SLC44A1: variants seen among roughly 807,000 people sequenced by gnomAD.
SLC44A1 encodes choline transporter-like protein 1.
A neutral mutation model predicts 79.3 loss-of-function variants in SLC44A1; 26 were observed. The ratio of observed to expected loss-of-function variants is 0.33; its 90% CI spans 0.24 to 0.46. The LOEUF (loss-of-function observed/expected upper bound fraction) is 0.46, where lower values mean the gene tolerates loss of function less well. Ranked by LOEUF, SLC44A1 falls within the 20% of genes least tolerant of loss-of-function variation. The pLI is 1.00. For missense variants in SLC44A1, 688 were observed against 798.1 expected, an observed-to-expected ratio of 0.86 and a Z score of 1.66; for synonymous variants, 263 against 286.2, an observed-to-expected ratio of 0.92 and a Z score of 0.82.
intron 6 of SLC44A1, among the ~76,000 whole-genome samples, chr9:105,357,487 G>T (rs1827655307): frequency 6.6e-6 from 1 of 152,166 alleles, no homozygotes; most frequent in Admixed American, 6.5e-5. Context: ...AGGCTTAAGA[G>T]TGTAATATAA....
At chr9:105,341,008 C>CA (rs1388634262) in intron 4 of SLC44A1, among the ~76,000 whole-genome samples, 1 of 152,036 alleles carries the variant, frequency 6.6e-6, no homozygotes, top group Admixed American at 6.6e-5. Flanking sequence ...TGTCATATTA[C>CA]AAAGGCTTTT....
intron 3 of SLC44A1, among the ~76,000 whole-genome samples, chr9:105,316,915 G>A (rs1304968286): frequency 2.0e-5 from 3 of 152,196 alleles, no homozygotes; most frequent in African/African-American, 2.4e-5. Context: ...TTTTAACAAC[G>A]AAGTTCTGTA....
At chr9:105,334,007 TAGTC>T (rs893698341) in intron 3 of SLC44A1, among the ~76,000 whole-genome samples, 3 of 152,152 alleles carry the variant, frequency 2.0e-5, no homozygotes, top group Non-Finnish European at 2.9e-5. Flanking sequence ...TAGACATGCT[TAGTC>T]AGACGCCCAG....
intron 13 of SLC44A1, among the ~76,000 whole-genome samples, chr9:105,380,854 C>G (rs113401072): frequency 0.015 from 2,338 of 152,284 alleles, 66 homozygotes; most frequent in African/African-American, 0.053. Context: ...TCCAACCAAC[C>G]AGACTCTGGG....
chr9:105,266,314 T>A (rs1486523312), intron 1 of SLC44A1, among the ~76,000 whole-genome samples: 2 of 152,178 alleles, frequency 1.3e-5, no homozygotes, highest in African/African-American at 4.8e-5. Context: ...GTGAGTTCGC[T>A]TCTCATCTTT....
chr9:105,277,944 T>G (rs1830248711), intron 1 of SLC44A1, among the ~76,000 whole-genome samples: 1 of 152,170 alleles, frequency 6.6e-6, no homozygotes, highest in Non-Finnish European at 1.5e-5. Context: ...CTTTGGGAAA[T>G]AGGTGTTAGA....
intron 15 of SLC44A1, among the ~76,000 whole-genome samples, chr9:105,414,774 C>T (rs912971395): frequency 2.6e-5 from 4 of 151,928 alleles, no homozygotes; most frequent in African/African-American, 9.7e-5. Context: ...AGCCACTGCA[C>T]TCCAGCCTGG....
intron 2 of SLC44A1, among the ~76,000 whole-genome samples, chr9:105,309,469 T>C (rs867765566): frequency 6.6e-6 from 1 of 152,164 alleles, no homozygotes; most frequent in South Asian, 2.1e-4. Context: ...ATTATTATTA[T>C]TATAAAATTC....
rs34048538 is a variant in SLC44A1, at chr9:105,390,430, CAAAAAAAAA to C, written c.*1387_*1395del. The C allele has an allele frequency of 1.2e-6, 1 of 822,936 alleles. No individual in the cohort carries two copies. The highest frequency in any genetic ancestry group is 1.4e-6 in the Non-Finnish European group (1 of 718,802). The allele number at this position is 822,936 out of a possible 1,614,324, so 51.0% of individuals were successfully genotyped here. A position where few individuals can be genotyped will look rare whatever the true frequency, so the allele number is the denominator to read the frequency against. On this transcript the variant is annotated 3_prime_UTR_variant, in exon 16 of 16. Coordinates refer to ENST00000374720, the MANE Select transcript of SLC44A1 (RefSeq NM_080546.5). ...TATTGCACTAAATACAGGCTCTGTACAAAAAAAAAAAAAAAAAAAAAGCCTCAGCATTTT... is the reference window on the plus strand; with the variant it reads ...TATTGCACTAAATACAGGCTCTGTACAAAAAAAAAAAAGCCTCAGCATTTT...
At chr9:105,297,208 G>A (rs996167229) in intron 1 of SLC44A1, among the ~76,000 whole-genome samples, 3 of 152,174 alleles carry the variant, frequency 2.0e-5, no homozygotes, top group African/African-American at 7.2e-5. Flanking sequence ...CAATTATACA[G>A]TGTAAGGCAA....
chr9:105,333,162 A>G (rs1588792752), intron 3 of SLC44A1, among the ~76,000 whole-genome samples: 1 of 152,382 alleles, frequency 6.6e-6, no homozygotes. Context: ...GCTGAAGCCT[A>G]CAGGACAGAC....
At chr9:105,286,838 C>T (rs1248455253) in intron 1 of SLC44A1, among the ~76,000 whole-genome samples, 1 of 152,108 alleles carries the variant, frequency 6.6e-6, no homozygotes, top group Non-Finnish European at 1.5e-5. Context: ...GCAGTGCATG[C>T]CTGTAGTCCT....
chr9:105,404,624 G>A (rs1829004935), intron 15 of SLC44A1, among the ~76,000 whole-genome samples: 1 of 151,428 alleles, frequency 6.6e-6, no homozygotes, highest in Admixed American at 6.6e-5. Context: ...GTAGGACTAC[G>A]ATGATAAATA....
chr9:105,348,123 T>C (rs933195428), intron 4 of SLC44A1, among the ~76,000 whole-genome samples: 3 of 152,128 alleles, frequency 2.0e-5, no homozygotes, highest in Admixed American at 1.3e-4. Context: ...GTTCTAGTAC[T>C]TATTGTTATT....
intron 1 of SLC44A1, among the ~76,000 whole-genome samples, chr9:105,286,654 A>G (rs1194245008): frequency 6.6e-6 from 1 of 152,196 alleles, no homozygotes; most frequent in Non-Finnish European, 1.5e-5. Flanking sequence ...TACGAACTCA[A>G]ATGGGTTGTG....
rs1828863065 is a variant in SLC44A1 at position 105,395,751 on chromosome 9, T to G, written c.*6695T>G. The stretch of plus-strand genomic sequence containing the variant: ...GAACTGTCGTTTCAGGAGCATGTGT[T>G]AAATCATATGAGTAAAAAAAAAGTA... On this transcript the variant is annotated 3_prime_UTR_variant, in exon 16 of 16. Coordinates refer to ENST00000374720, the MANE Select transcript of SLC44A1 (RefSeq NM_080546.5). 1.0e-6 allele frequency: 1 copy of G among 984,946 alleles called. No homozygotes were observed. The highest frequency in any genetic ancestry group is 1.7e-5 in the African/African-American group (1 of 57,194). 61.0% of individuals were successfully genotyped at this position (984,946 alleles called of 1,614,324 possible).
intron 1 of SLC44A1, among the ~76,000 whole-genome samples, chr9:105,254,277 T>C (rs1564398254): frequency 6.6e-6 from 1 of 152,172 alleles, no homozygotes; most frequent in Non-Finnish European, 1.5e-5. Flanking sequence ...ATGGCTCTTC[T>C]TACCGTCTTT....
At chr9:105,362,755 T>C (rs1356620834) in intron 8 of SLC44A1, 66 bp from the exon 9 acceptor site, 3 of 1,264,542 alleles carry the variant, frequency 2.4e-6, no homozygotes, top group Non-Finnish European at 2.1e-6. Context: ...TGTTAAAAAT[T>C]TCTACTATTT....
intron 15 of SLC44A1, among the ~76,000 whole-genome samples, chr9:105,410,471 A>G (rs1013084617): frequency 3.9e-5 from 6 of 152,208 alleles, no homozygotes; most frequent in Admixed American, 3.3e-4. Context: ...GCACATAAAG[A>G]GATGCTCAAT....
Sources: gnomAD v4.1 joint callset for allele counts (sites outside exome capture counted in the v4.1 genomes callset) on GRCh38, gnomAD v4.1.1 for gene constraint, MANE v1.5 for transcripts, NCBI Gene and HGNC (gene_info 2026-07-23, HGNC 2026-07-21) for gene names.